Variants in TRIO observed in about 807,000 individuals in gnomAD.
TRIO encodes trio Rho guanine nucleotide exchange factor, also known as triple functional domain protein.
Under a neutral mutation model 351.9 loss-of-function variants are expected in TRIO, and 58 were observed. The ratio of observed to expected loss-of-function variants is 0.16; its 90% CI spans 0.13 to 0.21. TRIO has a LOEUF of 0.21. Ranked by LOEUF, TRIO falls within the 10% of genes least tolerant of loss-of-function variation. The pLI is 1.00. For synonymous variants in TRIO, 1,758 were observed against 1,595.7 expected (o/e 1.10, Z -2.42); for missense variants, 3,201 against 4,027.8 (o/e 0.79, Z 5.56).
At position 14,451,316 on chromosome 5, in the gene TRIO, G is replaced by T. The variant is rs576547797; in HGVS notation, c.5204-9703G>T. ...GTAAGAGAATTTCTAGTGCACTGTG[G>T]TCTTTTCTTTATTCAAAAAAAAAAA... On this transcript the variant is annotated intron_variant, in intron 34 of 56. Coordinates refer to ENST00000344204, the MANE Select transcript of TRIO (RefSeq NM_007118.4). Among the ~76,000 whole-genome samples, 23 of 151,800 alleles carry T rather than the reference G, an allele frequency of 1.5e-4. No individual in the cohort carries two copies. The South Asian group carries it at 4.8e-3, about 32-fold the overall frequency.
chr5:14,297,329 G>T (rs1737450315), intron 7 of TRIO, 66 bp downstream of exon 7: 2 of 1,524,600 alleles, frequency 1.3e-6, no homozygotes, highest in South Asian at 2.5e-5. Flanking sequence ...ATGAATATTG[G>T]TGTGTGTGCA....
At chr5:14,391,242 G>A (rs1747056943) in intron 27 of TRIO, among the ~76,000 whole-genome samples, 1 of 152,126 alleles carries the variant, frequency 6.6e-6, no homozygotes, top group Non-Finnish European at 1.5e-5. Flanking sequence ...GTATGTTTGT[G>A]TGTGTGTATA....
chr5:14,319,176 G>A (rs1489475697), intron 9 of TRIO, among the ~76,000 whole-genome samples: 2 of 152,222 alleles, frequency 1.3e-5, no homozygotes, highest in East Asian at 1.9e-4. Context: ...GCAGGAGAAA[G>A]TGTTTTTTGC....
intron 53 of TRIO, 182 bp downstream of exon 53, chr5:14,498,822 A>G: frequency 1.1e-6 from 1 of 894,438 alleles, no homozygotes; most frequent in Non-Finnish European, 1.6e-6. Flanking sequence ...GTCACAGGAG[A>G]GTGACCTCTC....
At chr5:14,193,806 T>G (rs1790587555) in intron 1 of TRIO, among the ~76,000 whole-genome samples, 1 of 152,198 alleles carries the variant, frequency 6.6e-6, no homozygotes, top group Non-Finnish European at 1.5e-5. Flanking sequence ...CTCACATACA[T>G]TCTTATAGCC....
chr5:14,182,064 A>G (rs1440726635), intron 1 of TRIO, among the ~76,000 whole-genome samples: 1 of 151,582 alleles, frequency 6.6e-6, no homozygotes, highest in African/African-American at 2.4e-5. Context: ...TCATGTTATT[A>G]CTTTTGGTTC....
chr5:14,503,910 C>A (rs1388090248), intron 54 of TRIO, among the ~76,000 whole-genome samples: 1 of 152,206 alleles, frequency 6.6e-6, no homozygotes, highest in Non-Finnish European at 1.5e-5. Flanking sequence ...AGGAGTGGGT[C>A]ATCAGGGGCA....
chr5:14,458,887 C>G (rs971971394), intron 34 of TRIO, among the ~76,000 whole-genome samples: 1 of 152,170 alleles, frequency 6.6e-6, no homozygotes, highest in African/African-American at 2.4e-5. Flanking sequence ...TCCTTCCAGA[C>G]CACACCGAAG....
Position 14,405,953 on chromosome 5 carries a change from C to T in TRIO, c.4822C>T (p.Pro1608Ser). 1 of 1,611,918 alleles carries T rather than the reference C, an allele frequency of 6.2e-7. No individual in the cohort carries two copies. The highest frequency in any genetic ancestry group is 8.5e-7 in the Non-Finnish European group (1 of 1,179,354). ...AGCCCTGAAGGAGCCCATTCACATC[C>T]CTAAGACCGCTCCCGCCACAAGACA... ...KGALKEPIHI[P>S]KTAPATRQKG... Residue 1608 changes from proline to serine, a missense_variant, in exon 32 of 57, where the codon CCT (proline) becomes TCT (serine). By Grantham distance (74) the Pro-to-Ser change is moderately conservative. This residue lies in a region of TRIO where 136 missense variants were observed against 229.5 expected (regional missense o/e 0.59). Transcript: ENST00000344204.
At chr5:14,390,769 C>G (rs1483712191) in intron 26 of TRIO, 132 bp from the exon 27 acceptor site, 4 of 719,076 alleles carry the variant, frequency 5.6e-6, no homozygotes, top group Non-Finnish European at 6.6e-6. Flanking sequence ...CAGTAGCTTT[C>G]TTTTTAAAAT....
chr5:14,168,146 T>G (rs568231131), intron 1 of TRIO, among the ~76,000 whole-genome samples: 10 of 152,296 alleles, frequency 6.6e-5, no homozygotes, highest in African/African-American at 2.4e-4. Context: ...CTGTGAAAAA[T>G]GGCGGTGTTC....
chr5:14,458,563 A>G (rs764128214), intron 34 of TRIO, among the ~76,000 whole-genome samples: 12 of 152,354 alleles, frequency 7.9e-5, no homozygotes, highest in East Asian at 5.8e-4. Flanking sequence ...GCTGAGTCAC[A>G]TGGATGAAGA....
chr5:14,352,466 C>T (rs1424573193), intron 11 of TRIO, among the ~76,000 whole-genome samples: 1 of 152,194 alleles, frequency 6.6e-6, no homozygotes, highest in Non-Finnish European at 1.5e-5. Context: ...ATTTTATAGG[C>T]ATCCTAGAGG....
intron 11 of TRIO, among the ~76,000 whole-genome samples, chr5:14,337,550 A>C (rs947127496): frequency 6.6e-6 from 1 of 152,076 alleles, no homozygotes; most frequent in African/African-American, 2.4e-5. Flanking sequence ...GTAACTGGGG[A>C]CTATGCACAT....
intron 1 of TRIO, among the ~76,000 whole-genome samples, chr5:14,185,030 G>A (rs1260875189): frequency 6.6e-6 from 1 of 152,172 alleles, no homozygotes; most frequent in African/African-American, 2.4e-5. Flanking sequence ...CTCATGGACA[G>A]TTTTAGGATT....
At chr5:14,502,938 G>C (rs1196184163) in intron 54 of TRIO, among the ~76,000 whole-genome samples, 1 of 152,240 alleles carries the variant, frequency 6.6e-6, no homozygotes, top group Non-Finnish European at 1.5e-5. Flanking sequence ...TGGTAGCTCT[G>C]TGCCGTCCTT....
intron 5 of TRIO, among the ~76,000 whole-genome samples, chr5:14,292,637 T>C (rs1376970901): frequency 6.6e-6 from 1 of 152,216 alleles, no homozygotes; most frequent in Non-Finnish European, 1.5e-5. Context: ...AGTTCCTAAT[T>C]TCACCCTAAC....
intron 40 of TRIO, among the ~76,000 whole-genome samples, chr5:14,474,573 A>G (rs934878853): frequency 1.3e-5 from 2 of 152,236 alleles, no homozygotes; most frequent in African/African-American, 4.8e-5. Flanking sequence ...ATAAGCTTCA[A>G]GTATTTCTAA....
chr5:14,380,657 A>T (rs1220788421), intron 20 of TRIO, among the ~76,000 whole-genome samples: 1 of 152,200 alleles, frequency 6.6e-6, no homozygotes, highest in African/African-American at 2.4e-5. Flanking sequence ...TTACGACAGT[A>T]TGGCAGTTCC....
Sources: allele counts gnomAD v4.1 joint callset (sites outside exome capture counted in the v4.1 genomes callset), GRCh38; gene constraint gnomAD v4.1.1; regional missense constraint gnomAD v4.1.1; transcripts MANE v1.5; gene names NCBI Gene and HGNC (gene_info 2026-07-23, HGNC 2026-07-21).